The following MCU variants were observed in gnomAD, a reference collection of about 807,000 sequenced individuals.
MCU encodes the protein mitochondrial calcium uniporter.
In MCU, 12 loss-of-function variants were observed where a neutral mutation model predicts 45.2. That is an observed-to-expected ratio of 0.27 (90% CI 0.17 to 0.43). The LOEUF is 0.43. Ranked by LOEUF, MCU falls within the 20% of genes least tolerant of loss-of-function variation. The pLI is 1.00. For synonymous variants in MCU, 160 were observed against 165.1 expected, an observed-to-expected ratio of 0.97 and a Z score of 0.24; for missense variants, 324 against 436.7, an observed-to-expected ratio of 0.74 and a Z score of 2.30.
intron 1 of MCU, among the ~76,000 whole-genome samples, chr10:72,793,876 C>G (rs551111059): frequency 6.6e-6 from 1 of 152,070 alleles, no homozygotes; most frequent in East Asian, 1.9e-4. Context: ...GATTCAAGAC[C>G]CACTTCTTGA....
chr10:72,819,111 A>G (rs558427313), intron 1 of MCU, among the ~76,000 whole-genome samples: 4 of 152,326 alleles, frequency 2.6e-5, no homozygotes, highest in African/African-American at 9.6e-5. Context: ...TCCATGAAGA[A>G]TGGTGTCTGG....
chr10:72,856,064 T>C (rs1232027028), intron 2 of MCU, among the ~76,000 whole-genome samples: 2 of 152,206 alleles, frequency 1.3e-5, no homozygotes, highest in African/African-American at 4.8e-5. Flanking sequence ...TACAAATGAA[T>C]GACTACTAAT....
intron 1 of MCU, among the ~76,000 whole-genome samples, chr10:72,814,729 C>T (rs1252912945): frequency 6.6e-6 from 1 of 152,166 alleles, no homozygotes; most frequent in Admixed American, 6.5e-5. Flanking sequence ...GTACTGATTT[C>T]TCTAAAAGGA....
chr10:72,794,116 A>T (rs1382035245), intron 1 of MCU, among the ~76,000 whole-genome samples: 2 of 152,132 alleles, frequency 1.3e-5, no homozygotes, highest in Non-Finnish European at 2.9e-5. Context: ...ATTTTTTTTT[A>T]ATTAAAAAAA....
At chr10:72,770,139 T>G (rs1192604027) in intron 1 of MCU, among the ~76,000 whole-genome samples, 1 of 152,226 alleles carries the variant, frequency 6.6e-6, no homozygotes, top group East Asian at 1.9e-4. Context: ...TTTCTAATTT[T>G]ATTTCATTGT....
Position 72,820,696 on chromosome 10 carries a change from G to A in MCU, c.151-13663G>A, listed in dbSNP as rs541812955. On this transcript the variant is annotated intron_variant, in intron 1 of 7. Coordinates refer to ENST00000373053, the MANE Select transcript of MCU (RefSeq NM_138357.3). The stretch of plus-strand genomic sequence containing the variant: ...CAGCTAATTTTTTGTATTTTTAGTA[G>A]GGACGGGGTTTGGCCAGGCTGGCCA... 7.2e-5 allele frequency among the ~76,000 whole-genome samples: 11 copies of A among 152,204 alleles called. 1 individual carries two copies. In the South Asian group the frequency reaches 2.3e-3, roughly 32 times the overall value.
chr10:72,826,944 T>C (rs2132823762), intron 1 of MCU, among the ~76,000 whole-genome samples: 1 of 152,140 alleles, frequency 6.6e-6, no homozygotes, highest in East Asian at 1.9e-4. Flanking sequence ...TTTATTACAA[T>C]ATATTGTTGT....
chr10:72,863,518 G>GA (rs1299348434), intron 4 of MCU, among the ~76,000 whole-genome samples: 1 of 152,132 alleles, frequency 6.6e-6, no homozygotes, highest in Admixed American at 6.5e-5. Context: ...AAGCAGGTTT[G>GA]AAAAAACTTG....
chr10:72,778,057 C>A (rs1482280698), intron 1 of MCU, among the ~76,000 whole-genome samples: 1 of 152,054 alleles, frequency 6.6e-6, no homozygotes, highest in African/African-American at 2.4e-5. Flanking sequence ...GAAAAGGGAA[C>A]CCTCGTAAAC....
chr10:72,835,325 C>A (rs868400685), intron 2 of MCU, among the ~76,000 whole-genome samples: 1 of 152,080 alleles, frequency 6.6e-6, no homozygotes, highest in Admixed American at 6.5e-5. Context: ...TTCTCTTACC[C>A]GGTATTGTGC....
intron 1 of MCU, among the ~76,000 whole-genome samples, chr10:72,702,459 A>G (rs1842770201): frequency 1.3e-5 from 2 of 152,194 alleles, no homozygotes; most frequent in South Asian, 4.1e-4. Context: ...ACATTCAGAA[A>G]ATATCTGTGG....
chr10:72,806,064 CA>C (rs1844443004), intron 1 of MCU, among the ~76,000 whole-genome samples: 1 of 147,898 alleles, frequency 6.8e-6, no homozygotes, highest in African/African-American at 2.5e-5. Flanking sequence ...TAGGGAATTT[CA>C]AAAAGCCAAT....
intron 1 of MCU, among the ~76,000 whole-genome samples, chr10:72,829,195 C>T (rs1329316220): frequency 1.3e-5 from 2 of 151,776 alleles, no homozygotes; most frequent in Admixed American, 6.6e-5. Context: ...GGTTGGTGCT[C>T]GCCTGTAGTC....
chr10:72,822,363 C>G (rs1391068004), intron 1 of MCU, among the ~76,000 whole-genome samples: 1 of 152,128 alleles, frequency 6.6e-6, no homozygotes, highest in East Asian at 1.9e-4. Context: ...AAAGGCAATG[C>G]CACCACACAT....
At chr10:72,829,322 CAAAA>C (rs34102458) in intron 1 of MCU, among the ~76,000 whole-genome samples, 18 of 116,668 alleles carry the variant, frequency 1.5e-4, no homozygotes, top group Admixed American at 1.8e-4. Context: ...GACACTGTCT[CAAAA>C]AAAAAAAAAA....
rs747593974 is a variant in MCU, at chr10:72,776,007, CAG to C, written c.151-58351_151-58350del. Reference sequence around the variant, plus strand: ...TAGTGAGACCCTGTCTCTACAAAAACAGTTTTAAAAAATAGTTGGATTTGGTG... The same window carrying C: ...TAGTGAGACCCTGTCTCTACAAAAACTTTTAAAAAATAGTTGGATTTGGTG... On this transcript the variant is annotated intron_variant, in intron 1 of 7. Transcript: ENST00000373053. Among the ~76,000 whole-genome samples the C allele has an allele frequency of 6.5e-3, 986 of 151,870 alleles. 7 individuals are homozygous for C. The highest frequency in any genetic ancestry group is 0.012 in the Non-Finnish European group (829 of 67,922).
At position 72,860,543 on chromosome 10, in the gene MCU, T is replaced by C. The variant is rs1845360484; in HGVS notation, c.496+16T>C. 1 of 1,591,192 alleles carries C rather than the reference T, an allele frequency of 6.3e-7. No individual in the cohort carries two copies. Among genetic ancestry groups the C allele is most frequent in the African/African-American group, 1.3e-5 (1 of 74,506 alleles). On this transcript the variant is annotated intron_variant, in intron 4 of 7. Coordinates refer to ENST00000373053, the MANE Select transcript of MCU (RefSeq NM_138357.3). Reference sequence around the variant, plus strand: ...CCAAAAAGAGGTAAAATAGTAACCTTGGTAAGGTCACAGAAATGTGGGAAG... The same window carrying C: ...CCAAAAAGAGGTAAAATAGTAACCTCGGTAAGGTCACAGAAATGTGGGAAG...
At chr10:72,787,584 A>G (rs1264987716) in intron 1 of MCU, among the ~76,000 whole-genome samples, 1 of 151,712 alleles carries the variant, frequency 6.6e-6, no homozygotes, top group Non-Finnish European at 1.5e-5. Context: ...CATTGAGTTT[A>G]CCTCTCATTT....
At chr10:72,853,133 G>T (rs1845234383) in intron 2 of MCU, among the ~76,000 whole-genome samples, 1 of 152,026 alleles carries the variant, frequency 6.6e-6, no homozygotes, top group South Asian at 2.1e-4. Flanking sequence ...AAAATTACTA[G>T]GCATATGAAG....
Sources: gnomAD v4.1 joint callset for allele counts (sites outside exome capture counted in the v4.1 genomes callset) on GRCh38, gnomAD v4.1.1 for gene constraint, MANE v1.5 for transcripts, NCBI Gene and HGNC (gene_info 2026-07-23, HGNC 2026-07-21) for gene names.